Variants in CD53 observed in about 807,000 individuals in gnomAD.
The protein encoded by CD53 is leukocyte surface antigen CD53.
In CD53, 20 loss-of-function variants were observed where a neutral mutation model predicts 27.3. That is an observed-to-expected ratio of 0.73 (90% CI 0.52 to 1.07). The LOEUF (loss-of-function observed/expected upper bound fraction) is 1.07, where lower values mean the gene tolerates loss of function less well. CD53 is among the 50% of genes least tolerant of loss of function. The pLI, the probability that CD53 is intolerant of heterozygous loss-of-function variation, is 0.00. For missense variants in CD53, 216 were observed against 264.0 expected, an observed-to-expected ratio of 0.82 and a Z score of 1.26; for synonymous variants, 106 against 105.3, an observed-to-expected ratio of 1.01 and a Z score of -0.04.
intron 1 of CD53, among the ~76,000 whole-genome samples, chr1:110,880,861 G>A (rs1268603755): frequency 1.3e-5 from 2 of 152,172 alleles, no homozygotes; most frequent in Non-Finnish European, 2.9e-5. Context: ...TAGGGCAAGT[G>A]AGGGTTGGGT....
chr1:110,889,603 A>T (rs891970472), intron 1 of CD53, among the ~76,000 whole-genome samples: 2 of 151,650 alleles, frequency 1.3e-5, no homozygotes, highest in Non-Finnish European at 2.9e-5. Flanking sequence ...CTAAATAATC[A>T]TGGGTTCAAT....
intron 6 of CD53, among the ~76,000 whole-genome samples, chr1:110,897,106 G>T (rs1033013214): frequency 7.2e-5 from 11 of 152,156 alleles, no homozygotes; most frequent in Non-Finnish European, 1.5e-4. Flanking sequence ...CTCTTTCTCT[G>T]CTCTTCTTCC....
chr1:110,896,614 A>G (rs746890221), intron 5 of CD53, 39 bp from the exon 6 acceptor site: 2 of 1,589,294 alleles, frequency 1.3e-6, no homozygotes, highest in Admixed American at 3.5e-5. Flanking sequence ...TTCACTGTTG[A>G]CTTTCTAACC....
At chr1:110,883,058 T>A (rs2101046124) in intron 1 of CD53, among the ~76,000 whole-genome samples, 2 of 152,096 alleles carry the variant, frequency 1.3e-5, no homozygotes, top group Middle Eastern at 6.8e-3. Context: ...CTTTTCATAT[T>A]TCATTTGCAC....
intron 1 of CD53, among the ~76,000 whole-genome samples, chr1:110,885,627 C>A (rs554920401): frequency 6.6e-6 from 1 of 152,192 alleles, no homozygotes; most frequent in South Asian, 2.1e-4. Context: ...CTTTAGGAGG[C>A]TGAGACAGGC....
In CD53 at chr1:110,876,033, A is replaced by G. The variant is rs149102063; in HGVS notation, c.-18+2785A>G. The stretch of plus-strand genomic sequence containing the variant: ...TTATTGTAAAAGAAAATATGACACA[A>G]GCATACATTTTTATAATCATTTAAA... On this transcript the variant is annotated intron_variant, in intron 1 of 7. Coordinates refer to ENST00000271324, the MANE Select transcript of CD53 (RefSeq NM_000560.4). Among the ~76,000 whole-genome samples, 7 of 152,354 alleles carry G rather than the reference A, an allele frequency of 4.6e-5. No homozygotes were observed. The East Asian group carries it at 1.2e-3, about 25-fold the overall frequency.
chr1:110,897,370 G>A (rs1657112216), intron 6 of CD53, among the ~76,000 whole-genome samples: 1 of 152,202 alleles, frequency 6.6e-6, no homozygotes, highest in Non-Finnish European at 1.5e-5. Flanking sequence ...AGAAAGACTA[G>A]GACAACCACT....
At position 110,899,376 on chromosome 1, in the gene CD53, C is replaced by G. The variant is rs940086699; in HGVS notation, c.*181C>G. ...GCCAGGCACATCCCATCTCAGGCAG[C>G]AAGACAATCTTTCACTCACTGACGG... is the stretch of plus-strand genomic sequence containing the variant. On this transcript the variant is annotated 3_prime_UTR_variant, in exon 8 of 8. Transcript: ENST00000271324. 6.8e-5 allele frequency: 36 copies of G among 533,244 alleles called. No homozygotes were observed. Among genetic ancestry groups the G allele is most frequent in the Middle Eastern group, 2.9e-4 (1 of 3,454 alleles). The allele number at this position is 533,244 out of a possible 1,614,324, so 33.0% of individuals were successfully genotyped here. A position where few individuals can be genotyped will look rare whatever the true frequency, so the allele number is the denominator to read the frequency against.
chr1:110,871,955 C>T (rs1459009734), upstream of CD53, among the ~76,000 whole-genome samples: 1 of 152,134 alleles, frequency 6.6e-6, no homozygotes. Context: ...TTTTTACCTT[C>T]ATTTAATTCA....
chr1:110,871,814 TACAC>T (rs3068856), upstream of CD53, among the ~76,000 whole-genome samples: 18 of 145,772 alleles, frequency 1.2e-4, no homozygotes, highest in African/African-American at 2.8e-4. Flanking sequence ...CAAGAGAAAC[TACAC>T]ACACACACAC....
At chr1:110,879,842 A>G (rs1656283694) in intron 1 of CD53, among the ~76,000 whole-genome samples, 1 of 152,158 alleles carries the variant, frequency 6.6e-6, no homozygotes, top group Non-Finnish European at 1.5e-5. Flanking sequence ...GGCTGGGATT[A>G]CAGGTGTGAG....
At chr1:110,898,568 C>A (rs1657168017) in intron 7 of CD53, among the ~76,000 whole-genome samples, 1 of 151,890 alleles carries the variant, frequency 6.6e-6, no homozygotes, top group South Asian at 2.1e-4. Flanking sequence ...TGTTAAGGGG[C>A]TGATGACGAA....
chr1:110,896,544 CT>C, intron 5 of CD53, 108 bp from the exon 6 acceptor site: 1 of 976,396 alleles, frequency 1.0e-6, no homozygotes, highest in Non-Finnish European at 1.6e-6. Flanking sequence ...CAATTCTGGA[CT>C]TCTGCTATAG....
chr1:110,889,490 G>A (rs1279904951), intron 1 of CD53, among the ~76,000 whole-genome samples: 2 of 152,060 alleles, frequency 1.3e-5, no homozygotes, highest in African/African-American at 4.8e-5. Flanking sequence ...TCTGGAAGGT[G>A]GAGGTTGCAG....
chr1:110,894,862 A>G, intron 4 of CD53, 98 bp from the exon 5 acceptor site: 1 of 860,518 alleles, frequency 1.2e-6, no homozygotes, highest in Non-Finnish European at 2.0e-6. Context: ...TTTGGAAGGG[A>G]AGCGCAAGTG....
At chr1:110,891,025 C>T (rs949650680) in intron 1 of CD53, among the ~76,000 whole-genome samples, 43 of 152,362 alleles carry the variant, frequency 2.8e-4, no homozygotes, top group African/African-American at 9.9e-4. Flanking sequence ...ACCAGTCCAT[C>T]CCTGACTTCA....
intron 1 of CD53, among the ~76,000 whole-genome samples, chr1:110,887,227 C>A (rs12404809): frequency 1.3e-5 from 2 of 151,978 alleles, no homozygotes; most frequent in African/African-American, 2.4e-5. Context: ...CCACGCCTGG[C>A]TAATTTTTTC....
At chr1:110,890,732 A>C (rs141347263) in intron 1 of CD53, among the ~76,000 whole-genome samples, 1 of 152,254 alleles carries the variant, frequency 6.6e-6, no homozygotes. Context: ...TTACATTGCT[A>C]TCTCTTTTTA....
intron 1 of CD53, among the ~76,000 whole-genome samples, chr1:110,888,573 C>T (rs1309390303): frequency 6.6e-6 from 1 of 152,044 alleles, no homozygotes; most frequent in East Asian, 1.9e-4. Flanking sequence ...TAAATCTGGT[C>T]CCTGTTAATC....
Sources: gnomAD v4.1 joint callset for allele counts (sites outside exome capture counted in the v4.1 genomes callset) on GRCh38, gnomAD v4.1.1 for gene constraint, MANE v1.5 for transcripts, NCBI Gene and HGNC (gene_info 2026-07-23, HGNC 2026-07-21) for gene names.